The following MXD4 variants were observed in gnomAD, a reference collection of about 807,000 sequenced individuals.
The protein encoded by MXD4 is MAX dimerization protein 4, also known as Mad4 homolog.
Under a neutral mutation model 24.5 loss-of-function variants are expected in MXD4, and 16 were observed. That is an observed-to-expected ratio of 0.65 (90% CI 0.44 to 0.99). The LOEUF is 0.99. Ranked by LOEUF, MXD4 falls within the 50% of genes least tolerant of loss-of-function variation. The probability of loss-of-function intolerance (pLI) is 0.00; values close to 1 mark genes in which losing one functional copy is unlikely to be tolerated. For missense variants in MXD4, 301 were observed against 301.5 expected (o/e 1.00, Z 0.01); for synonymous variants, 164 against 134.2 (o/e 1.22, Z -1.54).
chr4:2,256,376 G>A (rs909817405), intron 3 of MXD4, among the ~76,000 whole-genome samples: 1 of 152,238 alleles, frequency 6.6e-6, no homozygotes, highest in African/African-American at 2.4e-5. Flanking sequence ...GCCCTGCCCA[G>A]TCCCCAGTAA....
intron 2 of MXD4, among the ~76,000 whole-genome samples, chr4:2,260,892 A>G (rs1450981801): frequency 6.6e-6 from 1 of 152,158 alleles, no homozygotes; most frequent in Non-Finnish European, 1.5e-5. Context: ...CACAGCAGCC[A>G]GGAGGGTGGA....
chr4:2,261,612 C>CGCG (rs1240645127), intron 2 of MXD4, 113 bp downstream of exon 2: 2 of 462,662 alleles, frequency 4.3e-6, no homozygotes, highest in South Asian at 9.0e-5. Context: ...CGCCGGGGCG[C>CGCG]GCGGCGGCGG....
chr4:2,250,986 C>T, intron 5 of MXD4, 98 bp downstream of exon 5: 1 of 1,389,708 alleles, frequency 7.2e-7, no homozygotes, highest in Non-Finnish European at 9.5e-7. Flanking sequence ...GGAGGGTTCT[C>T]CCCAGCCCCA....
intron 3 of MXD4, chr4:2,252,724 C>G: frequency 3.7e-6 from 2 of 539,678 alleles, no homozygotes; most frequent in South Asian, 4.3e-5. Flanking sequence ...CCCCAGACAC[C>G]TGGCAGAAGC....
chr4:2,255,226 G>C (rs753709474), intron 3 of MXD4: 2 of 435,288 alleles, frequency 4.6e-6, no homozygotes, highest in Non-Finnish European at 9.3e-6. Flanking sequence ...AAGTCTCATC[G>C]GCAATGTTAG....
intron 2 of MXD4, among the ~76,000 whole-genome samples, chr4:2,260,933 C>T (rs1460333247): frequency 1.3e-5 from 2 of 152,202 alleles, no homozygotes; most frequent in Non-Finnish European, 2.9e-5. Context: ...CCAGGGTCCC[C>T]ACTCCCCACG....
chr4:2,252,266 C>A, intron 4 of MXD4, 142 bp downstream of exon 4: 2 of 678,424 alleles, frequency 2.9e-6, no homozygotes, highest in Non-Finnish European at 5.1e-6. Context: ...GCCCCCGACA[C>A]ACACCCGCCA....
At chr4:2,258,973 A>C (rs1172721487) in intron 2 of MXD4, 1 of 454,884 alleles carries the variant, frequency 2.2e-6, no homozygotes, top group African/African-American at 2.0e-5. Flanking sequence ...AGGCAGGGGG[A>C]CCTCGCTCCC....
rs1278735976 is a variant in MXD4, at chr4:2,261,735, G to A, written c.154C>T (p.Pro52Ser). The stretch of plus-strand genomic sequence containing the variant: ...AGCGGGGGGCGGTACCTGTTGTTCG[G>A]GGCCTTGCGCACCAGGCCGGCCGCC... ...TKAAGLVRKA[P>S]NNRSSHNELE... The change falls in exon 2 of 6, where the codon CCG becomes TCG. Residue 52 changes from proline (P) to serine (S), a missense_variant. Transcript: ENST00000337190. The A allele has an allele frequency of 3.5e-6, 5 of 1,409,246 alleles. No individual in the cohort carries two copies. Among genetic ancestry groups the A allele is most frequent in the South Asian group, 2.8e-5 (2 of 72,702 alleles). The allele number at this position is 1,409,246 out of a possible 1,614,324, so 87.3% of individuals were successfully genotyped here.
intron 3 of MXD4, among the ~76,000 whole-genome samples, chr4:2,257,019 A>AAC (rs1735445094): frequency 6.6e-6 from 1 of 152,052 alleles, no homozygotes; most frequent in African/African-American, 2.4e-5. Context: ...GCCTCTAGGG[A>AAC]ACCCCCCGAA....
At position 2,262,032 on chromosome 4, in the gene MXD4, C is replaced by A; in HGVS notation, c.-52G>T. On this transcript the variant is annotated 5_prime_UTR_variant, in exon 1 of 6. Transcript: ENST00000337190. ...GGACGGCGGCGGCCGCTGCCCGGCC[C>A]GCTCCGGCCGGCTCCGCTCGCCGCC... 2.9e-6 allele frequency: 3 copies of A among 1,025,896 alleles called. No homozygotes were observed. Among genetic ancestry groups the A allele is most frequent in the South Asian group, 8.0e-5 (2 of 24,946 alleles). The allele number at this position is 1,025,896 out of a possible 1,614,324, so 63.5% of individuals were successfully genotyped here.
In MXD4 at chr4:2,252,677, C is replaced by T. The variant is rs373722225; in HGVS notation, c.195-155G>A. 4.8e-5 allele frequency: 28 copies of T among 582,424 alleles called. 1 individual carries two copies. Among genetic ancestry groups the T allele is most frequent in the East Asian group, 1.8e-4 (6 of 33,016 alleles). The allele number at this position is 582,424 out of a possible 1,614,324, so 36.1% of individuals were successfully genotyped here. The stretch of plus-strand genomic sequence containing the variant: ...CCCTCCTGGCCTGGTTGGGAACCCC[C>T]GTCCCCCACCCCCAGGAGGAGCCCA... On this transcript the variant is annotated intron_variant, in intron 3 of 5. Coordinates refer to ENST00000337190, the MANE Select transcript of MXD4 (RefSeq NM_006454.3).
At chr4:2,260,797 C>T (rs867473646) in intron 2 of MXD4, among the ~76,000 whole-genome samples, 14 of 152,202 alleles carry the variant, frequency 9.2e-5, no homozygotes, top group Non-Finnish European at 1.9e-4. Context: ...GCTCTGAAGC[C>T]CCCTACAAAC....
chr4:2,251,013 C>G (rs1735309101), intron 5 of MXD4, 71 bp downstream of exon 5: 1 of 1,447,570 alleles, frequency 6.9e-7, no homozygotes. Flanking sequence ...GGCACCTCCT[C>G]TCCACCCAGG....
rs1424733258 is a variant in MXD4, at chr4:2,261,776, G to A, written c.113C>T (p.Ala38Val). 6 of 1,432,238 alleles carry A rather than the reference G, an allele frequency of 4.2e-6. No homozygotes were observed. The African/African-American group carries it at 8.9e-5, about 21-fold the overall frequency. The allele number at this position is 1,432,238 out of a possible 1,614,324, so 88.7% of individuals were successfully genotyped here. A position where few individuals can be genotyped will look rare whatever the true frequency, so the allele number is the denominator to read the frequency against. Residue 38 changes from alanine (A) to valine (V), a missense_variant, in exon 2 of 6, where the codon GCC (alanine) becomes GTC (valine). Ala to Val is a moderately conservative substitution (Grantham distance 64). Transcript: ENST00000337190. Reference sequence around the variant, plus strand: ...GCCGGCCGCCTTTGTTTTCTCCCTGGCGAAGTCGCCGTCGAAGGGCAGCAC... The same window carrying A: ...GCCGGCCGCCTTTGTTTTCTCCCTGACGAAGTCGCCGTCGAAGGGCAGCAC... ...ASVLPFDGDF[A>V]REKTKAAGLV... is the part of the protein sequence containing the mutation.
chr4:2,251,055 G>A (rs1428584300), intron 5 of MXD4, 29 bp downstream of exon 5: 1 of 1,524,898 alleles, frequency 6.6e-7, no homozygotes, highest in Admixed American at 1.9e-5. Context: ...GGAGGCCCAG[G>A]TGAGGCTGCC....
chr4:2,252,400 C>T lies in MXD4; in HGVS notation c.309+8G>A. 1 of 1,605,916 alleles carries T rather than the reference C, an allele frequency of 6.2e-7. No individual in the cohort carries two copies. Among genetic ancestry groups the T allele is most frequent in the South Asian group, 1.1e-5 (1 of 90,910 alleles). ...GACAGGGCAGGGTGGAGAGCAAGGC[C>T]CACTCACCTTGATGTGCACCTTGGC... On this transcript the variant is annotated splice_region_variant and intron_variant, in intron 4 of 5. Coordinates refer to ENST00000337190, the MANE Select transcript of MXD4 (RefSeq NM_006454.3).
In MXD4 at chr4:2,251,150, G is replaced by A; in HGVS notation, c.406C>T (p.Gln136Ter). ...LKRRLEQLSV[Q>*]SVERVRTDST... is the part of the protein sequence containing the mutation. Reference sequence around the variant, plus strand: ...TCTGTGCGCACGCGCTCCACGCTCTGCACCGACAGCTGCTCCAGGCGCCGC... The same window carrying A: ...TCTGTGCGCACGCGCTCCACGCTCTACACCGACAGCTGCTCCAGGCGCCGC... Residue 136 changes from glutamine to a stop codon, truncating the protein, a stop_gained, in exon 5 of 6, where the codon CAG (glutamine) becomes TAG (stop). Transcript: ENST00000337190. LOFTEE classifies it high-confidence loss of function. 1.2e-6 allele frequency: 2 copies of A among 1,600,490 alleles called. No individual in the cohort carries two copies. The highest frequency in any genetic ancestry group is 1.1e-5 in the South Asian group (1 of 89,128).
chr4:2,252,001 C>A (rs1438463272), intron 4 of MXD4, among the ~76,000 whole-genome samples: 1 of 152,074 alleles, frequency 6.6e-6, no homozygotes, highest in Non-Finnish European at 1.5e-5. Context: ...CCCCATCAGG[C>A]TGCCTACTTT....
Sources: allele counts gnomAD v4.1 joint callset (sites outside exome capture counted in the v4.1 genomes callset), GRCh38; gene constraint gnomAD v4.1.1; transcripts MANE v1.5; gene names NCBI Gene and HGNC (gene_info 2026-07-23, HGNC 2026-07-21).